FBXO17: variants seen among roughly 807,000 people sequenced by gnomAD.
FBXO17 encodes the protein F-box only protein 17.
A neutral mutation model predicts 34.1 loss-of-function variants in FBXO17; 43 were observed. The observed-to-expected ratio is 1.26, with a 90% CI of 0.99 to 1.62. The LOEUF (loss-of-function observed/expected upper bound fraction) is 1.62. Ranked by LOEUF, FBXO17 falls within the 40% of genes most tolerant of loss-of-function variation. FBXO17 has a pLI of 0.00. For synonymous variants in FBXO17, 169 were observed against 166.0 expected (o/e 1.02, Z -0.14); for missense variants, 424 against 386.7 (o/e 1.10, Z -0.81).
chr19:38,950,264 T>TCCAG lies in FBXO17; in HGVS notation c.52_55dup (p.Asp19AlafsTer163), dbSNP rs1568439975. ...CACCAGCAGCTCCGGGGGCAGCGCG[T>TCCAG]CCAGGGCCAGGGATGGGTCCGCCGG... On this transcript the variant is annotated frameshift_variant, in exon 2 of 6. Coordinates refer to ENST00000292852, the MANE Select transcript of FBXO17 (RefSeq NM_024907.7). LOFTEE classifies it high-confidence loss of function. 2.0e-6 allele frequency: 3 copies of TCCAG among 1,500,856 alleles called. No individual in the cohort carries two copies. In the Admixed American group the frequency reaches 6.4e-5, roughly 32 times the overall value. 93.0% of individuals were successfully genotyped at this position (1,500,856 alleles called of 1,614,324 possible).
chr19:38,970,902 A>G (rs1350733268), intron 1 of FBXO17, among the ~76,000 whole-genome samples: 1 of 152,000 alleles, frequency 6.6e-6, no homozygotes. Flanking sequence ...GGAGTTCGAG[A>G]CCAGCCTGGT....
At chr19:38,954,576 G>GTATTT (rs1479089986) in intron 1 of FBXO17, among the ~76,000 whole-genome samples, 3 of 112,084 alleles carry the variant, frequency 2.7e-5, no homozygotes, top group Non-Finnish European at 5.5e-5. Flanking sequence ...GGCCGAGAAT[G>GTATTT]TGTTTTTTTT....
At chr19:38,945,167 G>T in intron 4 of FBXO17, 63 bp from the exon 5 acceptor site, 1 of 1,594,454 alleles carries the variant, frequency 6.3e-7, no homozygotes, top group Non-Finnish European at 8.5e-7. Context: ...GTTTCGGGGC[G>T]GGAGGCTGAG....
chr19:38,948,761 C>G, intron 2 of FBXO17, 83 bp from the exon 3 acceptor site: 1 of 1,131,498 alleles, frequency 8.8e-7, no homozygotes, highest in Non-Finnish European at 1.3e-6. Flanking sequence ...CTTGTGCTGT[C>G]CACCAGCCTC....
chr19:38,949,087 G>A (rs1176953330), intron 2 of FBXO17, among the ~76,000 whole-genome samples: 1 of 151,588 alleles, frequency 6.6e-6, no homozygotes, highest in East Asian at 2.0e-4. Context: ...ATGCCACCAC[G>A]CCTGGCTAAT....
At chr19:38,952,732 C>T (rs77735144) in intron 1 of FBXO17, 5,587 of 483,136 alleles carry the variant, frequency 0.012, 199 homozygotes, top group African/African-American at 0.084. Context: ...GTTCCCTGAC[C>T]TCTCTCTAGT....
chr19:38,955,837 C>T (rs909657585), intron 1 of FBXO17, among the ~76,000 whole-genome samples: 2 of 152,066 alleles, frequency 1.3e-5, no homozygotes, highest in Non-Finnish European at 2.9e-5. Context: ...CACTTAATCT[C>T]TTTATACCTC....
chr19:38,968,311 T>C (rs1459451683), intron 1 of FBXO17, among the ~76,000 whole-genome samples: 1 of 86,858 alleles, frequency 1.2e-5, no homozygotes, highest in East Asian at 5.4e-4. Flanking sequence ...AGAGCAAGAC[T>C]CTGTCTCCAA....
In FBXO17 at chr19:38,949,975, T is replaced by C. The variant is rs1405509769; in HGVS notation, c.345A>G (p.Gly115=). The change falls in exon 2 of 6, where the codon GGA becomes GGG. Residue 115 remains glycine (G), a synonymous_variant. Transcript: ENST00000292852. ...GGCCCCGCCCCCGTCACCCACGCTC[T>C]CCGCAGGAGTTGAAGATGAGATTGC... ...FGRNLIFNSC[G]EQGFRGWEVE... is the part of the protein sequence containing the mutation. The C allele has an allele frequency of 2.0e-6, 3 of 1,533,336 alleles. No homozygotes were observed. Among genetic ancestry groups the C allele is most frequent in the Admixed American group, 4.0e-5 (2 of 49,998 alleles). 95.0% of individuals were successfully genotyped at this position (1,533,336 alleles called of 1,614,324 possible).
chr19:38,950,795 A>AT lies in FBXO17; in HGVS notation c.-17-460dup, dbSNP rs955657868. On this transcript the variant is annotated intron_variant, in intron 1 of 5. Transcript: ENST00000292852. ...TGTAAACAACTATGTTTTGTCAAAG[A>AT]TTTTTTTTTTTTGAGACACAGTCTT... 1.7e-3 allele frequency among the ~76,000 whole-genome samples: 246 copies of AT among 148,132 alleles called. 1 individual carries two copies. Among genetic ancestry groups the AT allele is most frequent in the African/African-American group, 4.2e-3 (171 of 40,618 alleles).
intron 1 of FBXO17, among the ~76,000 whole-genome samples, chr19:38,972,909 G>A (rs565889092): frequency 2.8e-4 from 43 of 152,052 alleles, no homozygotes; most frequent in Admixed American, 2.0e-3. Context: ...ACAGGTACCC[G>A]CCATCATGCC....
rs1329028498 is a variant in FBXO17, at chr19:38,975,176, A to T, written c.-18+410T>A. ...TCTGATTCACAGATTCTGCGAAGGGACTGACGGCCAGAAGACAGAAAATCC... is the reference window on the plus strand; with the variant it reads ...TCTGATTCACAGATTCTGCGAAGGGTCTGACGGCCAGAAGACAGAAAATCC... On this transcript the variant is annotated intron_variant, in intron 1 of 5. Transcript: ENST00000292852. This position sits in a 1 kb window ranked among gnomAD's most constrained non-coding sequence, Gnocchi z 4.9. Among the ~76,000 whole-genome samples, 3 of 152,202 alleles carry T rather than the reference A, an allele frequency of 2.0e-5. No homozygotes were observed. Among genetic ancestry groups the T allele is most frequent in the Non-Finnish European group, 4.4e-5 (3 of 68,024 alleles).
chr19:38,969,631 C>A (rs1975366015), intron 1 of FBXO17, among the ~76,000 whole-genome samples: 1 of 123,560 alleles, frequency 8.1e-6, no homozygotes, highest in South Asian at 2.5e-4. Context: ...GAATCTCACT[C>A]TATCGCCCAG....
Position 38,945,117 on chromosome 19 carries a change from A to C in FBXO17, c.558-13T>G, listed in dbSNP as rs773569435. On this transcript the variant is annotated splice_polypyrimidine_tract_variant and intron_variant, in intron 4 of 5. Transcript: ENST00000292852. ...TCGAGCGCCCCACCTGCCAGGCAGC[A>C]GTCAGCCTCTATGCCCCCGTCACCC... 12 of 1,613,676 alleles carry C rather than the reference A, an allele frequency of 7.4e-6. No homozygotes were observed. The highest frequency in any genetic ancestry group is 1.0e-5 in the Non-Finnish European group (12 of 1,179,922).
At chr19:38,969,171 G>A (rs1465363377) in intron 1 of FBXO17, among the ~76,000 whole-genome samples, 1 of 152,132 alleles carries the variant, frequency 6.6e-6, no homozygotes, top group East Asian at 1.9e-4. Flanking sequence ...ATGTACAGCT[G>A]GGTGCGATGG....
At chr19:38,963,683 A>G (rs1704218918) in intron 1 of FBXO17, among the ~76,000 whole-genome samples, 1 of 151,914 alleles carries the variant, frequency 6.6e-6, no homozygotes, top group Non-Finnish European at 1.5e-5. Context: ...CTGTTTATCC[A>G]CTCAGTATGA....
Position 38,941,486 on chromosome 19 carries a change from G to T in FBXO17, c.*1122C>A, listed in dbSNP as rs1326277156. On this transcript the variant is annotated 3_prime_UTR_variant, in exon 6 of 6. Coordinates refer to ENST00000292852, the MANE Select transcript of FBXO17 (RefSeq NM_024907.7). Reference sequence around the variant, plus strand: ...AGATTTACCCACATATTTATTGACAGCAAGCCAGTGATAAGCATTATTTCT... The same window carrying T: ...AGATTTACCCACATATTTATTGACATCAAGCCAGTGATAAGCATTATTTCT... The T allele has an allele frequency of 6.6e-6, 1 of 152,192 alleles. No individual in the cohort carries two copies. The highest frequency in any genetic ancestry group is 1.5e-5 in the Non-Finnish European group (1 of 68,038). The allele number at this position is 152,192 out of a possible 1,614,324, so 9.4% of individuals were successfully genotyped here. A position where few individuals can be genotyped will look rare whatever the true frequency, so the allele number is the denominator to read the frequency against.
rs1002087417 is a variant in FBXO17, at chr19:38,950,362, C to A, written c.-17-26G>T. ...CTGCAGGTCGAGAGGGGTCGGTAGG[C>A]GGGTCAGCGCAGCCAGGCCACCCCC... On this transcript the variant is annotated intron_variant, in intron 1 of 5. Coordinates refer to ENST00000292852, the MANE Select transcript of FBXO17 (RefSeq NM_024907.7). 5.0e-6 allele frequency: 7 copies of A among 1,394,394 alleles called. No individual in the cohort carries two copies. The African/African-American group carries it at 9.1e-5, about 18-fold the overall frequency. 86.4% of individuals were successfully genotyped at this position (1,394,394 alleles called of 1,614,324 possible).
At chr19:38,947,612 A>C (rs768408883) in intron 3 of FBXO17, among the ~76,000 whole-genome samples, 1 of 152,112 alleles carries the variant, frequency 6.6e-6, no homozygotes, top group Non-Finnish European at 1.5e-5. Context: ...AAACAAAAAA[A>C]ACAGAGTGCC....
Sources: gnomAD v4.1 joint callset for allele counts (sites outside exome capture counted in the v4.1 genomes callset) on GRCh38, gnomAD v4.1.1 for gene constraint, Gnocchi (gnomAD v3.1) non-coding constraint, MANE v1.5 for transcripts, NCBI Gene and HGNC (gene_info 2026-07-23, HGNC 2026-07-21) for gene names.